OR1J2: variants seen among roughly 807,000 people sequenced by gnomAD.
OR1J2 encodes the protein olfactory receptor 1J2.
For synonymous variants in OR1J2, 142 were observed against 99.7 expected (o/e 1.42, Z -2.52); for missense variants, 304 against 246.1 (o/e 1.24, Z -1.57).
the OR1J2 span, among the ~76,000 whole-genome samples, chr9:122,457,789 A>G: frequency 6.6e-6 from 1 of 152,218 alleles, no homozygotes; most frequent in African/African-American, 2.4e-5. Flanking sequence ...ATTTTATATT[A>G]TAGGTAAATG....
the OR1J2 span, among the ~76,000 whole-genome samples, chr9:122,482,822 A>G: frequency 1.5e-4 from 23 of 152,312 alleles, no homozygotes; most frequent in African/African-American, 5.3e-4. Context: ...ATCTCAAAAA[A>G]GCAGAGAGTA....
chr9:122,546,855 G>A, the OR1J2 span, among the ~76,000 whole-genome samples: 1 of 151,966 alleles, frequency 6.6e-6, no homozygotes, highest in East Asian at 1.9e-4. Context: ...GTATGTATTC[G>A]GGGGGTACAT....
At chr9:122,455,983 G>A in the OR1J2 span, among the ~76,000 whole-genome samples, 1 of 152,070 alleles carries the variant, frequency 6.6e-6, no homozygotes, top group Non-Finnish European at 1.5e-5. Flanking sequence ...TAGCACCCAG[G>A]TTAAAAATCA....
At chr9:122,462,378 C>A in the OR1J2 span, among the ~76,000 whole-genome samples, 1 of 152,230 alleles carries the variant, frequency 6.6e-6, no homozygotes, top group Admixed American at 6.5e-5. Context: ...TTCTGCCATT[C>A]TGTATCTTTT....
At chr9:122,530,401 AC>A in the OR1J2 span, among the ~76,000 whole-genome samples, 1 of 152,244 alleles carries the variant, frequency 6.6e-6, no homozygotes, top group Admixed American at 6.5e-5. Flanking sequence ...AGGAGGCTAA[AC>A]GTACTACACT....
At chr9:122,568,335 A>G in the OR1J2 span, 4 of 1,614,196 alleles carry the variant, frequency 2.5e-6, no homozygotes, top group Non-Finnish European at 3.4e-6. Flanking sequence ...GCGAATGGCC[A>G]GGATGATGAG....
the OR1J2 span, among the ~76,000 whole-genome samples, chr9:122,503,137 T>A: frequency 6.6e-6 from 1 of 152,200 alleles, no homozygotes. Flanking sequence ...TTGTACCACC[T>A]CCTTCACAAT....
chr9:122,508,423 G>T (rs1828570446), upstream of OR1J2, among the ~76,000 whole-genome samples: 1 of 152,110 alleles, frequency 6.6e-6, no homozygotes. Flanking sequence ...TAGGCCAGAA[G>T]CTCATTGGAT....
the OR1J2 span, among the ~76,000 whole-genome samples, chr9:122,493,249 A>G: frequency 6.6e-6 from 1 of 151,938 alleles, no homozygotes; most frequent in Non-Finnish European, 1.5e-5. Context: ...CCCTTTCTCT[A>G]TTTTTTGGAA....
chr9:122,503,168 A>T, the OR1J2 span, among the ~76,000 whole-genome samples: 4 of 152,186 alleles, frequency 2.6e-5, no homozygotes, highest in East Asian at 3.9e-4. Context: ...GTCATGTGGG[A>T]TATGATGATA....
chr9:122,495,535 G>GT, the OR1J2 span, among the ~76,000 whole-genome samples: 14 of 151,044 alleles, frequency 9.3e-5, no homozygotes, highest in Admixed American at 3.3e-4. Context: ...ATTTCCAGAA[G>GT]TTTTTTTTTA....
At chr9:122,535,894 G>A in the OR1J2 span, among the ~76,000 whole-genome samples, 1 of 152,226 alleles carries the variant, frequency 6.6e-6, no homozygotes, top group African/African-American at 2.4e-5. Context: ...ATTTGGGTAG[G>A]TAAAGGAAAA....
chr9:122,484,768 C>T, the OR1J2 span, among the ~76,000 whole-genome samples: 1 of 150,714 alleles, frequency 6.6e-6, no homozygotes, highest in Non-Finnish European at 1.5e-5. Context: ...TGCGTTGGCT[C>T]ACACCTGTAA....
chr9:122,460,595 C>T, the OR1J2 span, among the ~76,000 whole-genome samples: 14 of 152,098 alleles, frequency 9.2e-5, no homozygotes, highest in South Asian at 2.9e-3. Context: ...GCTATGTGTG[C>T]TCTTTTTTTG....
chr9:122,483,262 C>G, the OR1J2 span, among the ~76,000 whole-genome samples: 1 of 152,038 alleles, frequency 6.6e-6, no homozygotes, highest in African/African-American at 2.4e-5. Context: ...TCCATAGATG[C>G]TGTAAAAAAT....
the OR1J2 span, among the ~76,000 whole-genome samples, chr9:122,469,288 T>C: frequency 6.6e-6 from 1 of 152,202 alleles, no homozygotes; most frequent in East Asian, 1.9e-4. Flanking sequence ...GTAGATAATT[T>C]GAATCATGGG....
the OR1J2 span, among the ~76,000 whole-genome samples, chr9:122,556,067 CT>C: frequency 6.6e-6 from 1 of 152,298 alleles, no homozygotes; most frequent in Admixed American, 6.5e-5. Context: ...AACCACTGAT[CT>C]TTTTACTGTC....
chr9:122,527,004 G>T, the OR1J2 span: 12 of 1,614,066 alleles, frequency 7.4e-6, no homozygotes, highest in Non-Finnish European at 9.3e-6. Context: ...ATACATTTGC[G>T]TGAGGCAACC....
chr9:122,477,102 T>C, the OR1J2 span: 3 of 1,613,840 alleles, frequency 1.9e-6, no homozygotes, highest in East Asian at 6.7e-5. Context: ...TGTATATCAC[T>C]GAAGCAATTA....
Sources: allele counts gnomAD v4.1 joint callset (sites outside exome capture counted in the v4.1 genomes callset), GRCh38; gene constraint gnomAD v4.1.1; transcripts MANE v1.5; gene names NCBI Gene and HGNC (gene_info 2026-07-23, HGNC 2026-07-21).